The following NIPSNAP1 variants were observed in gnomAD, a reference collection of about 807,000 sequenced individuals.
The protein encoded by NIPSNAP1 is protein NipSnap homolog 1.
Under a neutral mutation model 49.2 loss-of-function variants are expected in NIPSNAP1, and 25 were observed. The ratio of observed to expected loss-of-function variants is 0.51; its 90% CI spans 0.37 to 0.71. The LOEUF is 0.71. Ranked by LOEUF, NIPSNAP1 falls within the 30% of genes least tolerant of loss-of-function variation. NIPSNAP1 has a pLI of 0.00. For missense variants in NIPSNAP1, 294 were observed against 361.0 expected, an observed-to-expected ratio of 0.81 and a Z score of 1.50; for synonymous variants, 143 against 140.7, an observed-to-expected ratio of 1.02 and a Z score of -0.12.
At chr22:29,558,087 A>C (rs1263302466) in intron 9 of NIPSNAP1, among the ~76,000 whole-genome samples, 3 of 152,154 alleles carry the variant, frequency 2.0e-5, no homozygotes, top group Non-Finnish European at 4.4e-5. Flanking sequence ...ACATAGTAAG[A>C]CTGCATCTCT....
intron 3 of NIPSNAP1, chr22:29,569,903 C>T (rs1035989555): frequency 8.2e-6 from 4 of 486,398 alleles, no homozygotes; most frequent in Admixed American, 3.3e-5. Context: ...ACAGGAGAAT[C>T]GCTTGTACCT....
rs1263490815 is a variant in NIPSNAP1, at chr22:29,555,477, G to A, written c.*458C>T. ...CAGCAGGAGGGACTTGGCTCAGACTGTCCAGCAAGTGGGTGGCCCAGTGGA... is the reference window on the plus strand; with the variant it reads ...CAGCAGGAGGGACTTGGCTCAGACTATCCAGCAAGTGGGTGGCCCAGTGGA... On this transcript the variant is annotated 3_prime_UTR_variant, in exon 10 of 10. Coordinates refer to ENST00000216121, the MANE Select transcript of NIPSNAP1 (RefSeq NM_003634.4). 4.0e-5 allele frequency: 8 copies of A among 197,912 alleles called. No individual in the cohort carries two copies. In the East Asian group the frequency reaches 9.3e-4, roughly 23 times the overall value. The allele number at this position is 197,912 out of a possible 1,614,324, so 12.3% of individuals were successfully genotyped here.
chr22:29,567,885 T>C (rs1203147906), intron 4 of NIPSNAP1, among the ~76,000 whole-genome samples: 1 of 147,314 alleles, frequency 6.8e-6, no homozygotes, highest in East Asian at 2.0e-4. Context: ...TAAAAATGAA[T>C]AAAACTGAAA....
intron 9 of NIPSNAP1, among the ~76,000 whole-genome samples, 177 bp from the exon 10 acceptor site, chr22:29,556,176 A>G (rs2064293027): frequency 6.6e-6 from 1 of 152,092 alleles, no homozygotes; most frequent in South Asian, 2.1e-4. Flanking sequence ...CCCTCAAATT[A>G]TGGGATAAGA....
chr22:29,564,240 GT>G, intron 4 of NIPSNAP1: 1 of 445,740 alleles, frequency 2.2e-6, no homozygotes, highest in Non-Finnish European at 4.6e-6. Flanking sequence ...ACCTTCACCT[GT>G]TTTTTGACTC....
chr22:29,572,789 A>T lies in NIPSNAP1; in HGVS notation c.99-2257T>A, dbSNP rs146059859. On this transcript the variant is annotated intron_variant, in intron 1 of 9. Coordinates refer to ENST00000216121, the MANE Select transcript of NIPSNAP1 (RefSeq NM_003634.4). The stretch of plus-strand genomic sequence containing the variant: ...ACTCCAGCTTGGGCAACAGAGTGAG[A>T]CTCTATCTCAAAAAAATAAAATAAA... Among the ~76,000 whole-genome samples, 648 of 151,222 alleles carry T rather than the reference A, an allele frequency of 4.3e-3. 12 individuals are homozygous for T. In the Middle Eastern group the frequency reaches 0.044, roughly 10 times the overall value.
chr22:29,576,316 G>A lies in NIPSNAP1; in HGVS notation c.98+4669C>T, dbSNP rs533297898. Among the ~76,000 whole-genome samples, 101 of 151,092 alleles carry A rather than the reference G, an allele frequency of 6.7e-4. No homozygotes were observed. In the Middle Eastern group the frequency reaches 0.014, roughly 20 times the overall value. On this transcript the variant is annotated intron_variant, in intron 1 of 9. Transcript: ENST00000216121. ...ATTACAGGCATGATCCACCATGCCC[G>A]GCCGAACCCAGGAGTTTGAGACCAG...
chr22:29,578,598 T>G (rs1172615093), intron 1 of NIPSNAP1, among the ~76,000 whole-genome samples: 1 of 151,312 alleles, frequency 6.6e-6, no homozygotes, highest in Non-Finnish European at 1.5e-5. Flanking sequence ...TGGGGCAGCC[T>G]GAGGGGCAGC....
chr22:29,578,233 A>G lies in NIPSNAP1; in HGVS notation c.98+2752T>C, dbSNP rs933565597. Among the ~76,000 whole-genome samples the G allele has an allele frequency of 1.7e-4, 26 of 150,244 alleles. 1 individual carries two copies. Among genetic ancestry groups the G allele is most frequent in the African/African-American group, 6.5e-4 (26 of 40,030 alleles). ...GTGTTTTTAGTAGAGATGGGGTTTC[A>G]CCATGTTGGCCAAGCTGGTCTTGAA... is the stretch of plus-strand genomic sequence containing the variant. On this transcript the variant is annotated intron_variant, in intron 1 of 9. Coordinates refer to ENST00000216121, the MANE Select transcript of NIPSNAP1 (RefSeq NM_003634.4).
At chr22:29,569,678 T>TA (rs35756780) in intron 3 of NIPSNAP1, among the ~76,000 whole-genome samples, 17 of 140,314 alleles carry the variant, frequency 1.2e-4, no homozygotes, top group Non-Finnish European at 2.3e-4. Flanking sequence ...GACCATCTCT[T>TA]AAAAAAAAAA....
intron 4 of NIPSNAP1, among the ~76,000 whole-genome samples, chr22:29,565,103 T>C (rs2064360376): frequency 6.7e-6 from 1 of 148,682 alleles, no homozygotes; most frequent in Admixed American, 6.7e-5. Flanking sequence ...ACTCGAGAAG[T>C]TGAGGTGAGA....
At chr22:29,556,027 CA>C in intron 9 of NIPSNAP1, 28 bp from the exon 10 acceptor site, 8 of 1,549,784 alleles carry the variant, frequency 5.2e-6, no homozygotes, top group South Asian at 1.2e-5. Flanking sequence ...AGAGGTCACA[CA>C]GGGGGCTCAA....
chr22:29,571,129 A>G (rs1450194393), intron 1 of NIPSNAP1, among the ~76,000 whole-genome samples: 2 of 152,120 alleles, frequency 1.3e-5, no homozygotes, highest in African/African-American at 4.8e-5. Context: ...CACACATGGA[A>G]AGCCAAATAC....
At chr22:29,561,357 G>T in intron 6 of NIPSNAP1, 149 bp downstream of exon 6, 1 of 1,415,458 alleles carries the variant, frequency 7.1e-7, no homozygotes, top group Non-Finnish European at 9.9e-7. Flanking sequence ...CACCTGGTGT[G>T]CATGTTTGCA....
intron 4 of NIPSNAP1, among the ~76,000 whole-genome samples, chr22:29,567,096 T>C (rs1307137772): frequency 6.6e-6 from 1 of 152,186 alleles, no homozygotes; most frequent in Non-Finnish European, 1.5e-5. Flanking sequence ...TACCCCAGCC[T>C]GGGTGACAGT....
intron 4 of NIPSNAP1, among the ~76,000 whole-genome samples, chr22:29,562,689 C>T (rs1415633325): frequency 6.6e-6 from 1 of 151,488 alleles, no homozygotes; most frequent in African/African-American, 2.4e-5. Context: ...GAAACTCCGT[C>T]TCAAAAAAAA....
rs907651669 is a variant in NIPSNAP1, at chr22:29,555,552, A to G, written c.*383T>C. On this transcript the variant is annotated 3_prime_UTR_variant, in exon 10 of 10. Transcript: ENST00000216121. ...GCCTGGCCTCCTCTCTTCCCACCCCACCTCTAGCCACTGGACATACTACCT... is the reference window on the plus strand; with the variant it reads ...GCCTGGCCTCCTCTCTTCCCACCCCGCCTCTAGCCACTGGACATACTACCT... 1.6e-5 allele frequency: 4 copies of G among 254,912 alleles called. No homozygotes were observed. Among genetic ancestry groups the G allele is most frequent in the Non-Finnish European group, 2.4e-5 (3 of 125,018 alleles). 15.8% of individuals were successfully genotyped at this position (254,912 alleles called of 1,614,324 possible). A position where few individuals can be genotyped will look rare whatever the true frequency, so the allele number is the denominator to read the frequency against.
At chr22:29,569,069 G>A in intron 4 of NIPSNAP1, 124 bp downstream of exon 4, 4 of 755,946 alleles carry the variant, frequency 5.3e-6, no homozygotes, top group Non-Finnish European at 9.3e-6. Flanking sequence ...GTGAGGTGAT[G>A]AGGTTTTAGT....
At chr22:29,561,918 C>T in intron 4 of NIPSNAP1, 56 bp from the exon 5 acceptor site, 2 of 1,573,464 alleles carry the variant, frequency 1.3e-6, no homozygotes, top group Admixed American at 3.3e-5. Context: ...AGCAGATGAC[C>T]TCCTCAAGGT....
Sources: gnomAD v4.1 joint callset for allele counts (sites outside exome capture counted in the v4.1 genomes callset) on GRCh38, gnomAD v4.1.1 for gene constraint, MANE v1.5 for transcripts, NCBI Gene and HGNC (gene_info 2026-07-23, HGNC 2026-07-21) for gene names.